Variants in PTPRT observed in about 807,000 individuals in gnomAD.
The protein encoded by PTPRT is receptor-type tyrosine-protein phosphatase T.
In PTPRT, 56 loss-of-function variants were observed where a neutral mutation model predicts 176.8. The observed-to-expected ratio is 0.32, with a 90% confidence interval of 0.26 to 0.40. The LOEUF is 0.40. Among genes scored for constraint, PTPRT ranks in the 10% least tolerant of loss-of-function variants. PTPRT has a pLI of 1.00. For missense variants in PTPRT, 1,540 were observed against 1,908.2 expected (o/e 0.81, Z 3.60); for synonymous variants, 783 against 739.0 (o/e 1.06, Z -0.96).
At chr20:42,648,696 AGGCCAGGCCACAGCCCTGCAGGTG>A (rs1328703864) in intron 7 of PTPRT, among the ~76,000 whole-genome samples, 1 of 151,974 alleles carries the variant, frequency 6.6e-6, no homozygotes, top group Admixed American at 6.5e-5. Context: ...TCTTGGAGGG[AGGCCAGGCCACAGCCCTGCAGGTG>A]GGCACATCCT....
At chr20:42,053,520 G>C in the PTPRT span, among the ~76,000 whole-genome samples, 1 of 152,190 alleles carries the variant, frequency 6.6e-6, no homozygotes, top group African/African-American at 2.4e-5. Flanking sequence ...CACCTCATTA[G>C]TTTTAAATTG....
At chr20:42,588,367 C>T (rs1568998626) in intron 7 of PTPRT, among the ~76,000 whole-genome samples, 1 of 152,072 alleles carries the variant, frequency 6.6e-6, no homozygotes, top group Non-Finnish European at 1.5e-5. Flanking sequence ...TCACCTGAAC[C>T]TGGGAGGTGA....
At chr20:42,730,405 C>T (rs1165474173) in intron 6 of PTPRT, among the ~76,000 whole-genome samples, 2 of 152,126 alleles carry the variant, frequency 1.3e-5, no homozygotes, top group East Asian at 3.8e-4. Flanking sequence ...CACTGGAGGC[C>T]TGGGAAAGTG....
chr20:42,569,209 C>T (rs1270532024), intron 7 of PTPRT, among the ~76,000 whole-genome samples: 1 of 148,422 alleles, frequency 6.7e-6, no homozygotes, highest in Non-Finnish European at 1.5e-5. Flanking sequence ...ACTATGATTC[C>T]AATTTCAAAG....
chr20:42,109,140 T>C (rs1295422807), intron 23 of PTPRT, among the ~76,000 whole-genome samples: 5 of 149,700 alleles, frequency 3.3e-5, no homozygotes, highest in Admixed American at 3.3e-4. Context: ...GTAGCTACTA[T>C]TGCTGGGAAG....
At chr20:42,886,658 C>A (rs1409930731) in intron 1 of PTPRT, among the ~76,000 whole-genome samples, 2 of 152,154 alleles carry the variant, frequency 1.3e-5, no homozygotes, top group East Asian at 3.8e-4. Context: ...AAAGGTCAAG[C>A]CATCCACCAT....
At chr20:43,139,020 A>C (rs558066428) in intron 1 of PTPRT, among the ~76,000 whole-genome samples, 1 of 152,240 alleles carries the variant, frequency 6.6e-6, no homozygotes, top group African/African-American at 2.4e-5. Context: ...GAAACACTGC[A>C]GAGATTCTAC....
At chr20:43,170,316 C>T (rs965352509) in intron 1 of PTPRT, among the ~76,000 whole-genome samples, 7 of 152,072 alleles carry the variant, frequency 4.6e-5, no homozygotes, top group African/African-American at 1.7e-4. Context: ...CTATTATTCC[C>T]ATTTGCTAGG....
At chr20:42,203,524 G>C (rs749098326) in intron 15 of PTPRT, among the ~76,000 whole-genome samples, 6 of 152,008 alleles carry the variant, frequency 3.9e-5, no homozygotes, top group Non-Finnish European at 1.5e-5. Flanking sequence ...CTTCTCCACT[G>C]GTCACCTCCT....
chr20:42,470,463 C>T (rs2071173743), intron 8 of PTPRT, among the ~76,000 whole-genome samples: 1 of 152,128 alleles, frequency 6.6e-6, no homozygotes, highest in Admixed American at 6.5e-5. Flanking sequence ...CCTGGGAAAA[C>T]TTTCTTAATC....
intron 12 of PTPRT, among the ~76,000 whole-genome samples, chr20:42,302,956 C>G (rs2057491111): frequency 6.6e-6 from 1 of 152,174 alleles, no homozygotes; most frequent in South Asian, 2.1e-4. Context: ...AATAAGCTCC[C>G]TTCCAATACT....
rs755404003 is a variant in PTPRT, at chr20:42,735,269, G to C, written c.859+21193C>G. Among the ~76,000 whole-genome samples the C allele has an allele frequency of 1.2e-3, 187 of 152,112 alleles. 5 individuals carry two copies. Among genetic ancestry groups the C allele is most frequent in the Admixed American group, 1.0e-3 (16 of 15,276 alleles). On this transcript the variant is annotated intron_variant, in intron 6 of 30. Coordinates refer to ENST00000373187, the MANE Select transcript of PTPRT (RefSeq NM_007050.6). Reference sequence around the variant, plus strand: ...AAGACTGACTGTAAGAACTGTGATGGAGCCAAATGTGACTAGAGGAGAGGG... The same window carrying C: ...AAGACTGACTGTAAGAACTGTGATGCAGCCAAATGTGACTAGAGGAGAGGG...
intron 1 of PTPRT, among the ~76,000 whole-genome samples, chr20:42,989,870 C>T (rs1221800980): frequency 2.0e-5 from 3 of 152,178 alleles, no homozygotes; most frequent in Admixed American, 6.5e-5. Context: ...ACAGAAAAAC[C>T]TCCAGTCACA....
intron 1 of PTPRT, among the ~76,000 whole-genome samples, chr20:42,948,615 C>CA (rs140785965): frequency 0.033 from 4,955 of 150,180 alleles, 190 homozygotes; most frequent in African/African-American, 0.093. Context: ...CCAGCTCACA[C>CA]AAAAAAAAAT....
intron 1 of PTPRT, among the ~76,000 whole-genome samples, chr20:43,100,130 C>T (rs2012332251): frequency 6.6e-6 from 1 of 152,170 alleles, no homozygotes; most frequent in South Asian, 2.1e-4. Flanking sequence ...AATCCCAGCA[C>T]TTTGGGAAGC....
chr20:42,275,302 C>T (rs719665), intron 13 of PTPRT, among the ~76,000 whole-genome samples: 2,747 of 152,308 alleles, frequency 0.018, 73 homozygotes, highest in African/African-American at 0.064. Flanking sequence ...TTGTCTCTAG[C>T]CTACCCCAAA....
chr20:42,255,186 A>G (rs1271141130), intron 13 of PTPRT, among the ~76,000 whole-genome samples: 1 of 152,196 alleles, frequency 6.6e-6, no homozygotes, highest in Non-Finnish European at 1.5e-5. Flanking sequence ...TGGGTTTCAC[A>G]TTGGAAATAT....
chr20:42,905,963 T>C (rs1259139173), intron 1 of PTPRT, among the ~76,000 whole-genome samples: 3 of 152,048 alleles, frequency 2.0e-5, no homozygotes, highest in East Asian at 1.9e-4. Context: ...AAATACCTAA[T>C]GTAAATGATG....
intron 12 of PTPRT, among the ~76,000 whole-genome samples, chr20:42,284,711 T>C (rs1257425660): frequency 6.6e-6 from 1 of 151,976 alleles, no homozygotes; most frequent in African/African-American, 2.4e-5. Flanking sequence ...AAAGACTGTC[T>C]TAAAGAAAGA....
Sources: gnomAD v4.1 joint callset for allele counts (sites outside exome capture counted in the v4.1 genomes callset) on GRCh38, gnomAD v4.1.1 for gene constraint, MANE v1.5 for transcripts, NCBI Gene and HGNC (gene_info 2026-07-23, HGNC 2026-07-21) for gene names.